The following AKAP13 variants were observed in gnomAD, a reference collection of about 807,000 sequenced individuals.
AKAP13 encodes the protein A-kinase anchoring protein 13.
AKAP13 carries 80 observed loss-of-function variants against 264.5 expected under a neutral mutation model. The observed-to-expected ratio is 0.30, with a 90% CI of 0.25 to 0.36. AKAP13 has a LOEUF of 0.36. Ranked by LOEUF, AKAP13 falls within the 10% of genes least tolerant of loss-of-function variation. AKAP13 has a pLI of 1.00. For missense variants in AKAP13, 3,712 were observed against 3,435.2 expected (o/e 1.08, Z -2.01); for synonymous variants, 1,380 against 1,250.2 (o/e 1.10, Z -2.19).
Position 85,723,229 on chromosome 15 carries a change from T to C in AKAP13, c.6654T>C (p.Ser2218=), listed in dbSNP as rs1456298227. Residue 2218 remains serine (S), a synonymous_variant, in exon 26 of 37, where the codon AGT becomes AGC. Coordinates refer to ENST00000394518, the MANE Select transcript of AKAP13 (RefSeq NM_007200.5). ...TDSKSIMRMK[S]GQMFAKEDLK... ...GCAAGTCAATCATGAGGATGAAGAGTGGTCAGATGTTTGCCAAGGAAGATT... is the reference window on the plus strand; with the variant it reads ...GCAAGTCAATCATGAGGATGAAGAGCGGTCAGATGTTTGCCAAGGAAGATT... 3 of 1,613,800 alleles carry C rather than the reference T, an allele frequency of 1.9e-6. No homozygotes were observed. The highest frequency in any genetic ancestry group is 2.5e-6 in the Non-Finnish European group (3 of 1,179,958).
At chr15:85,693,703 A>G (rs1418000299) in intron 17 of AKAP13, among the ~76,000 whole-genome samples, 1 of 152,240 alleles carries the variant, frequency 6.6e-6, no homozygotes, top group Non-Finnish European at 1.5e-5. Flanking sequence ...TTAACTTTAC[A>G]GTGGTTCAAA....
intron 16 of AKAP13, among the ~76,000 whole-genome samples, chr15:85,688,651 G>A (rs1021172289): frequency 6.6e-6 from 1 of 152,192 alleles, no homozygotes; most frequent in Non-Finnish European, 1.5e-5. Flanking sequence ...CCAAAAGCCA[G>A]TAGGCAGTAA....
intron 8 of AKAP13, among the ~76,000 whole-genome samples, chr15:85,637,649 ATCCTGCTTGCTTTG>A (rs961926917): frequency 2.6e-5 from 4 of 151,486 alleles, no homozygotes; most frequent in Non-Finnish European, 5.9e-5. Flanking sequence ...TATTTTCTTT[ATCCTGCTTGCTTTG>A]GGTTAATTTC....
intron 2 of AKAP13, among the ~76,000 whole-genome samples, chr15:85,502,886 A>C (rs1417356189): frequency 6.6e-6 from 1 of 152,198 alleles, no homozygotes; most frequent in African/African-American, 2.4e-5. Context: ...TTCTTCACCT[A>C]TTATTAAGTA....
At chr15:85,441,003 C>G (rs981112461) in intron 1 of AKAP13, among the ~76,000 whole-genome samples, 2 of 152,174 alleles carry the variant, frequency 1.3e-5, no homozygotes, top group African/African-American at 4.8e-5. Context: ...AAACTGATGT[C>G]ATTGGTGTCA....
chr15:85,538,379 G>C (rs1348421932), intron 4 of AKAP13, among the ~76,000 whole-genome samples: 4 of 152,166 alleles, frequency 2.6e-5, no homozygotes, highest in Admixed American at 2.6e-4. Context: ...AGTAAGAACA[G>C]CCTGTGTATT....
At chr15:85,671,081 T>C (rs1356367545) in intron 14 of AKAP13, 1 of 152,068 alleles carries the variant, frequency 6.6e-6, no homozygotes, top group African/African-American at 2.4e-5. Context: ...TGAAAGACCA[T>C]GTGTCTCGGA....
intron 2 of AKAP13, among the ~76,000 whole-genome samples, chr15:85,502,975 T>A (rs944105005): frequency 2.0e-5 from 3 of 152,210 alleles, no homozygotes; most frequent in African/African-American, 4.8e-5. Context: ...TAGAAGAGAT[T>A]AAGAGAGGTA....
intron 5 of AKAP13, among the ~76,000 whole-genome samples, chr15:85,573,416 C>T (rs950617302): frequency 2.6e-5 from 4 of 152,112 alleles, no homozygotes; most frequent in South Asian, 2.1e-4. Context: ...CGTGGTGGGA[C>T]GCGCCTGTAA....
intron 14 of AKAP13, among the ~76,000 whole-genome samples, chr15:85,672,384 A>G (rs185968897): frequency 3.3e-5 from 5 of 152,372 alleles, no homozygotes; most frequent in Admixed American, 6.5e-5. Flanking sequence ...TAGAAACATA[A>G]TACATCATTT....
intron 3 of AKAP13, among the ~76,000 whole-genome samples, chr15:85,523,227 T>C (rs1032015381): frequency 2.0e-5 from 3 of 152,106 alleles, no homozygotes; most frequent in South Asian, 4.1e-4. Flanking sequence ...TTATCACATA[T>C]GAGATTTTTC....
chr15:85,583,098 A>C (rs1024818423), intron 7 of AKAP13: 1 of 985,356 alleles, frequency 1.0e-6, no homozygotes, highest in Non-Finnish European at 1.2e-6. Context: ...GCACACTTCT[A>C]TACCACCACC....
In AKAP13 at chr15:85,580,577, AC is replaced by A; in HGVS notation, c.2510del (p.Thr837SerfsTer4). On this transcript the variant is annotated frameshift_variant, in exon 7 of 37. Transcript: ENST00000394518. LOFTEE classifies it high-confidence loss of function. ...AGATGGAAATTCGAATGAGCCTGAT[AC>A]GCGGCCACTAGAAGACAGGGCAGTA... ...GPDGNSNEPD[T>X]RPLEDRAVGL... is the part of the protein sequence containing the mutation. The A allele has an allele frequency of 6.2e-7, 1 of 1,614,242 alleles. No individual in the cohort carries two copies. The highest frequency in any genetic ancestry group is 8.5e-7 in the Non-Finnish European group (1 of 1,180,042).
At chr15:85,589,759 A>T (rs931124345) in intron 8 of AKAP13, among the ~76,000 whole-genome samples, 3 of 151,350 alleles carry the variant, frequency 2.0e-5, no homozygotes, top group Admixed American at 1.3e-4. Flanking sequence ...ATGGGCTGTA[A>T]AAAAGAGTTA....
At chr15:85,432,636 T>C (rs1446245258) in intron 1 of AKAP13, among the ~76,000 whole-genome samples, 6 of 152,248 alleles carry the variant, frequency 3.9e-5, no homozygotes, top group African/African-American at 1.2e-4. Flanking sequence ...GGCCTCATTA[T>C]ACCACTCAAT....
At chr15:85,678,732 A>T (rs567862332) in intron 14 of AKAP13, among the ~76,000 whole-genome samples, 13 of 152,124 alleles carry the variant, frequency 8.5e-5, no homozygotes, top group Non-Finnish European at 1.5e-5. Flanking sequence ...AGCTGGGCAT[A>T]GTGATGGGCA....
chr15:85,397,910 T>G (rs923333099), intron 1 of AKAP13, among the ~76,000 whole-genome samples: 5 of 152,216 alleles, frequency 3.3e-5, no homozygotes, highest in Non-Finnish European at 7.3e-5. Flanking sequence ...ATTTGCCAAG[T>G]GTAGTAGTAA....
At chr15:85,702,992 A>G (rs1228567270) in intron 17 of AKAP13, among the ~76,000 whole-genome samples, 1 of 152,216 alleles carries the variant, frequency 6.6e-6, no homozygotes, top group Non-Finnish European at 1.5e-5. Context: ...AAACAGATGT[A>G]AAATGATACT....
At chr15:85,486,105 T>G (rs2075533052) in intron 2 of AKAP13, among the ~76,000 whole-genome samples, 1 of 152,240 alleles carries the variant, frequency 6.6e-6, no homozygotes, top group African/African-American at 2.4e-5. Context: ...CTACTGCCAC[T>G]GTGATTTACC....
Sources: allele counts gnomAD v4.1 joint callset (sites outside exome capture counted in the v4.1 genomes callset), GRCh38; gene constraint gnomAD v4.1.1; transcripts MANE v1.5; gene names NCBI Gene and HGNC (gene_info 2026-07-23, HGNC 2026-07-21).